TPM4: variants seen among roughly 807,000 people sequenced by gnomAD.
TPM4 encodes tropomyosin alpha-4 chain.
In TPM4, 17 loss-of-function variants were observed where a neutral mutation model predicts 35.8. The observed-to-expected ratio is 0.47, with a 90% CI of 0.32 to 0.71. The LOEUF (loss-of-function observed/expected upper bound fraction) is 0.71, where lower values mean the gene tolerates loss of function less well. Ranked by LOEUF, TPM4 falls within the 30% of genes least tolerant of loss-of-function variation. TPM4 has a pLI of 0.03. For synonymous variants in TPM4, 120 were observed against 122.9 expected (o/e 0.98, Z 0.15); for missense variants, 240 against 320.9 (o/e 0.75, Z 1.93).
chr19:16,067,639 G>A lies in TPM4; in HGVS notation c.15G>A (p.Lys5=), dbSNP rs1345528238. 2.5e-6 allele frequency: 4 copies of A among 1,613,484 alleles called. No individual in the cohort carries two copies. The African/African-American group carries it at 4.0e-5, about 16-fold the overall frequency. ...AGCGCCCAGCCATGGAGGCCATCAA[G>A]AAGAAAATGCAGATGCTGAAGTTGG... The change falls in exon 2 of 3, where the codon AAG becomes AAA. Residue 5 remains lysine (K), a synonymous_variant. Coordinates refer to the TPM4 transcript ENST00000589897. This position sits in a 1 kb window ranked among gnomAD's most constrained non-coding sequence, Gnocchi z 4.1.
intron 5 of TPM4, 87 bp downstream of exon 5, chr19:16,089,207 G>C: frequency 6.4e-7 from 1 of 1,556,444 alleles, no homozygotes; most frequent in East Asian, 2.3e-5. Context: ...TCAGGTTATG[G>C]GGAATCTGCC....
At chr19:16,090,985 G>A (rs915268686) in intron 5 of TPM4, among the ~76,000 whole-genome samples, 2 of 151,888 alleles carry the variant, frequency 1.3e-5, no homozygotes, top group Non-Finnish European at 2.9e-5. Flanking sequence ...GAATCCAGTT[G>A]GTGTGTGTAT....
chr19:16,093,871 G>T, intron 7 of TPM4, 118 bp downstream of exon 7: 2 of 978,236 alleles, frequency 2.0e-6, no homozygotes, highest in East Asian at 3.0e-5. Flanking sequence ...CCTTAGGAAA[G>T]TAAAGCGCAT....
At chr19:16,069,262 T>C (rs2090327740) in intron 2 of TPM4, among the ~76,000 whole-genome samples, 2 of 152,132 alleles carry the variant, frequency 1.3e-5, no homozygotes, top group Admixed American at 1.3e-4. Flanking sequence ...GGTGTGTTTA[T>C]GTGTATGAGT....
At chr19:16,100,553 T>C (rs2090752426) in intron 7 of TPM4, 1 of 152,134 alleles carries the variant, frequency 6.6e-6, no homozygotes, top group African/African-American at 2.4e-5. Context: ...ATGGTGGCTA[T>C]AACCCACCTG....
At chr19:16,091,707 G>A (rs1599379983) in intron 5 of TPM4, among the ~76,000 whole-genome samples, 1 of 151,152 alleles carries the variant, frequency 6.6e-6, no homozygotes, top group African/African-American at 2.4e-5. Flanking sequence ...CCTGGAGGGC[G>A]GAGGTTGCAT....
chr19:16,089,312 T>C (rs1353330631), intron 5 of TPM4, among the ~76,000 whole-genome samples, 192 bp downstream of exon 5: 2 of 152,168 alleles, frequency 1.3e-5, no homozygotes, highest in African/African-American at 4.8e-5. Context: ...TCCTCTTCCA[T>C]GGGGTCTGAG....
At chr19:16,086,693 G>C (rs1211044902) in intron 3 of TPM4, among the ~76,000 whole-genome samples, 153 bp downstream of exon 3, 2 of 152,162 alleles carry the variant, frequency 1.3e-5, no homozygotes, top group Non-Finnish European at 2.9e-5. Flanking sequence ...CAACCACTTG[G>C]CTAGGAAACT....
chr19:16,099,075 TG>T (rs2090734855), intron 7 of TPM4, among the ~76,000 whole-genome samples: 1 of 86,994 alleles, frequency 1.1e-5, no homozygotes, highest in Admixed American at 1.4e-4. Flanking sequence ...TGACTCTGTG[TG>T]TGTGTGTGTG....
intron 5 of TPM4, among the ~76,000 whole-genome samples, chr19:16,091,380 C>T (rs745503670): frequency 3.3e-5 from 5 of 152,026 alleles, no homozygotes; most frequent in African/African-American, 7.2e-5. Context: ...AGCTCAGAGT[C>T]GAGTCTAGTG....
intron 5 of TPM4, among the ~76,000 whole-genome samples, chr19:16,089,925 C>G (rs1383229325): frequency 6.6e-6 from 1 of 151,676 alleles, no homozygotes; most frequent in Non-Finnish European, 1.5e-5. Context: ...GTGGCGTGAT[C>G]TCAGCTTACT....
upstream of TPM4, among the ~76,000 whole-genome samples, chr19:16,073,165 G>A (rs747823051): frequency 7.2e-5 from 11 of 152,100 alleles, no homozygotes; most frequent in Non-Finnish European, 4.4e-5. Flanking sequence ...ATAACACAGC[G>A]AGATCCTATC....
chr19:16,093,320 C>T (rs979868827), intron 5 of TPM4, among the ~76,000 whole-genome samples: 1 of 151,960 alleles, frequency 6.6e-6, no homozygotes, highest in Admixed American at 6.6e-5. Flanking sequence ...CTCATCCTCC[C>T]CAGTAGCTGG....
chr19:16,083,013 AAGC>A (rs1014675512), intron 2 of TPM4, among the ~76,000 whole-genome samples: 3 of 145,058 alleles, frequency 2.1e-5, no homozygotes, highest in African/African-American at 2.6e-5. Flanking sequence ...AAAAAAAAAA[AAGC>A]AGAGTACTGT....
chr19:16,081,847 G>A, intron 1 of TPM4, 66 bp from the exon 2 acceptor site: 2 of 1,502,210 alleles, frequency 1.3e-6, no homozygotes, highest in Non-Finnish European at 1.8e-6. Context: ...GGCAGGACAT[G>A]GGGGAGGCTC....
chr19:16,093,800 T>C (rs778293271), intron 7 of TPM4, 47 bp downstream of exon 7: 20 of 1,602,092 alleles, frequency 1.2e-5, no homozygotes, highest in Non-Finnish European at 1.5e-5. Flanking sequence ...CCTTCCCCTC[T>C]GGGACACATC....
At chr19:16,072,840 G>C (rs1194555225), upstream of TPM4, among the ~76,000 whole-genome samples, 2 of 152,050 alleles carry the variant, frequency 1.3e-5, no homozygotes, top group East Asian at 3.9e-4. Context: ...CAGGGAGGTG[G>C]AAGTTGCAGT....
At chr19:16,082,322 AAC>A (rs1028869436) in intron 2 of TPM4, among the ~76,000 whole-genome samples, 149 of 152,276 alleles carry the variant, frequency 9.8e-4, no homozygotes, top group African/African-American at 3.3e-3. Flanking sequence ...CAGCCTGGCC[AAC>A]ATGGTGAAAC....
intron 2 of TPM4, among the ~76,000 whole-genome samples, chr19:16,085,936 G>A (rs561785094): frequency 6.6e-6 from 1 of 152,030 alleles, no homozygotes; most frequent in Non-Finnish European, 1.5e-5. Context: ...GGTCACGGTG[G>A]TGCATGCCTA....
Sources: gnomAD v4.1 joint callset for allele counts (sites outside exome capture counted in the v4.1 genomes callset) on GRCh38, gnomAD v4.1.1 for gene constraint, Gnocchi (gnomAD v3.1) non-coding constraint, MANE v1.5 for transcripts, NCBI Gene and HGNC (gene_info 2026-07-23, HGNC 2026-07-21) for gene names.